The following MRPS31 variants were observed in gnomAD, a reference collection of about 807,000 sequenced individuals.
MRPS31 encodes small ribosomal subunit protein mS31.
In MRPS31, 32 loss-of-function variants were observed where a neutral mutation model predicts 43.1. The ratio of observed to expected loss-of-function variants is 0.74; its 90% CI spans 0.56 to 1.00. The LOEUF (loss-of-function observed/expected upper bound fraction) is 1.00, where lower values mean the gene tolerates loss of function less well. MRPS31 is among the 50% of genes least tolerant of loss of function. The probability of loss-of-function intolerance (pLI) is 0.00; values close to 1 mark genes in which losing one functional copy is unlikely to be tolerated. For synonymous variants in MRPS31, 165 were observed against 161.6 expected, an observed-to-expected ratio of 1.02 and a Z score of -0.16; for missense variants, 437 against 466.7, an observed-to-expected ratio of 0.94 and a Z score of 0.59.
intron 6 of MRPS31, among the ~76,000 whole-genome samples, chr13:40,743,926 A>T (rs549228949): frequency 2.6e-5 from 4 of 152,228 alleles, no homozygotes; most frequent in Non-Finnish European, 5.9e-5. Context: ...CACTATTCAC[A>T]ATAGCAAAGA....
At chr13:40,752,594 CAT>C (rs756420305) in intron 5 of MRPS31, among the ~76,000 whole-genome samples, 8 of 152,148 alleles carry the variant, frequency 5.3e-5, no homozygotes, top group Middle Eastern at 3.2e-3. Flanking sequence ...CTGTAAGCCA[CAT>C]GAGTAGGTGC....
chr13:40,770,700 T>C (rs1406943564), intron 1 of MRPS31: 1 of 400,356 alleles, frequency 2.5e-6, no homozygotes, highest in African/African-American at 2.1e-5. Context: ...CAAATGAGAC[T>C]ATCAAATAAA....
chr13:40,748,789 ATAATCTT>A (rs1880308976), intron 6 of MRPS31, among the ~76,000 whole-genome samples: 1 of 152,206 alleles, frequency 6.6e-6, no homozygotes, highest in Non-Finnish European at 1.5e-5. Flanking sequence ...AAATTTAAGT[ATAATCTT>A]ATACACCTTA....
chr13:40,742,521 A>G (rs1333968638), intron 6 of MRPS31, among the ~76,000 whole-genome samples: 1 of 152,152 alleles, frequency 6.6e-6, no homozygotes, highest in Non-Finnish European at 1.5e-5. Flanking sequence ...CAAAAACAAC[A>G]AACAGATCCT....
chr13:40,745,453 T>A (rs1051057683), intron 6 of MRPS31, among the ~76,000 whole-genome samples: 2 of 152,194 alleles, frequency 1.3e-5, no homozygotes, highest in African/African-American at 4.8e-5. Context: ...GGTTTCACCA[T>A]GTTGGCCAGG....
intron 1 of MRPS31, chr13:40,770,714 T>C (rs1397706226): frequency 9.3e-6 from 4 of 427,864 alleles, no homozygotes; most frequent in African/African-American, 2.1e-5. Flanking sequence ...AAATAAATCT[T>C]GGGAGGCAAA....
intron 6 of MRPS31, among the ~76,000 whole-genome samples, chr13:40,747,847 A>G (rs1048521111): frequency 6.6e-6 from 1 of 152,206 alleles, no homozygotes; most frequent in African/African-American, 2.4e-5. Context: ...CATCTCAAAA[A>G]ACAAAAACAA....
At chr13:40,768,118 T>C (rs1188170552) in intron 1 of MRPS31, among the ~76,000 whole-genome samples, 1 of 152,242 alleles carries the variant, frequency 6.6e-6, no homozygotes, top group Admixed American at 6.5e-5. Context: ...CCAATTTTAT[T>C]CTGTGGGGTT....
chr13:40,762,523 T>G (rs1040763406), intron 2 of MRPS31, among the ~76,000 whole-genome samples: 4 of 150,612 alleles, frequency 2.7e-5, no homozygotes, highest in Admixed American at 2.0e-4. Context: ...AGCCTCAACC[T>G]CCTCAGCTCA....
intron 5 of MRPS31, among the ~76,000 whole-genome samples, chr13:40,750,776 CAT>C (rs1182277474): frequency 1.7e-4 from 21 of 120,590 alleles, no homozygotes; most frequent in African/African-American, 6.9e-4. Flanking sequence ...ATATATATTA[CAT>C]ATATATGTAT....
chr13:40,741,021 G>A (rs1467460930), intron 6 of MRPS31, among the ~76,000 whole-genome samples: 5 of 150,676 alleles, frequency 3.3e-5, no homozygotes, highest in Admixed American at 3.3e-4. Context: ...TCATATTAGT[G>A]TAAACAATGA....
At chr13:40,730,387 T>C (rs1050908857) in intron 6 of MRPS31, among the ~76,000 whole-genome samples, 2 of 151,804 alleles carry the variant, frequency 1.3e-5, no homozygotes, top group Admixed American at 1.3e-4. Context: ...TAGCCAGGCG[T>C]GATGGCATGT....
intron 1 of MRPS31, among the ~76,000 whole-genome samples, chr13:40,769,684 G>A (rs1180687035): frequency 6.6e-6 from 1 of 151,906 alleles, no homozygotes; most frequent in Non-Finnish European, 1.5e-5. Context: ...TACATTTAAA[G>A]TTACTATTCA....
chr13:40,749,739 G>A lies in MRPS31; in HGVS notation c.815-458C>T, dbSNP rs565350903. ...AATGAATACTGAGTACTTCCTCTGC[G>A]CTTAAATGCATTTTATGCATTAGTG... On this transcript the variant is annotated intron_variant, in intron 5 of 6. Coordinates refer to ENST00000323563, the MANE Select transcript of MRPS31 (RefSeq NM_005830.4). The A allele has an allele frequency of 2.6e-3, 399 of 152,270 alleles. 4 individuals carry two copies. The highest frequency in any genetic ancestry group is 2.5e-3 in the Admixed American group (38 of 15,286). The allele number at this position is 152,270 out of a possible 1,614,324, so 9.4% of individuals were successfully genotyped here.
intron 4 of MRPS31, among the ~76,000 whole-genome samples, chr13:40,755,587 G>A (rs950073940): frequency 6.6e-6 from 1 of 152,142 alleles, no homozygotes; most frequent in African/African-American, 2.4e-5. Context: ...GCAGGCCAGT[G>A]TGAACTGTCA....
At chr13:40,757,576 C>G (rs1880565601) in intron 3 of MRPS31, among the ~76,000 whole-genome samples, 1 of 150,210 alleles carries the variant, frequency 6.7e-6, no homozygotes, top group Non-Finnish European at 1.5e-5. Flanking sequence ...TTCCGAGTAG[C>G]TGAGACTACA....
intron 6 of MRPS31, among the ~76,000 whole-genome samples, chr13:40,741,170 A>G (rs1880078581): frequency 1.3e-5 from 2 of 151,938 alleles, no homozygotes. Flanking sequence ...AAGATTAAAA[A>G]CTGTTGGCTC....
Position 40,766,730 on chromosome 13 carries a change from T to A in MRPS31, c.440+16A>T. On this transcript the variant is annotated intron_variant, in intron 2 of 6. Coordinates refer to ENST00000323563, the MANE Select transcript of MRPS31 (RefSeq NM_005830.4). The stretch of plus-strand genomic sequence containing the variant: ...ACTGGAGTTTCAAACAACATCTGAA[T>A]TACAATTAAATTTACCTCTTCTTTG... 1 of 1,564,264 alleles carries A rather than the reference T, an allele frequency of 6.4e-7. No homozygotes were observed.
At chr13:40,743,822 C>G (rs1391931984) in intron 6 of MRPS31, among the ~76,000 whole-genome samples, 1 of 152,200 alleles carries the variant, frequency 6.6e-6, no homozygotes, top group Non-Finnish European at 1.5e-5. Context: ...AACAGAACTA[C>G]CATTCAACTT....
Sources: gnomAD v4.1 joint callset for allele counts (sites outside exome capture counted in the v4.1 genomes callset) on GRCh38, gnomAD v4.1.1 for gene constraint, MANE v1.5 for transcripts, NCBI Gene and HGNC (gene_info 2026-07-23, HGNC 2026-07-21) for gene names.